MB21D2: variants seen among roughly 807,000 people sequenced by gnomAD.
The protein encoded by MB21D2 is Mab-21 domain containing 2.
A neutral mutation model predicts 33.3 loss-of-function variants in MB21D2; 9 were observed. That is an observed-to-expected ratio of 0.27 (90% CI 0.16 to 0.47). The LOEUF is 0.47. Among genes scored for constraint, MB21D2 ranks in the 20% least tolerant of loss-of-function variants. MB21D2 has a pLI of 0.99. For synonymous variants in MB21D2, 241 were observed against 236.3 expected (o/e 1.02, Z -0.18); for missense variants, 540 against 624.6 (o/e 0.86, Z 1.44).
chr3:192,893,432 G>T (rs1188774632), intron 1 of MB21D2, among the ~76,000 whole-genome samples: 2 of 152,142 alleles, frequency 1.3e-5, no homozygotes, highest in Non-Finnish European at 2.9e-5. Context: ...TAAAATCACA[G>T]ACCAGGAAGG....
At chr3:192,914,244 A>G (rs1418596368) in intron 1 of MB21D2, among the ~76,000 whole-genome samples, 1 of 152,188 alleles carries the variant, frequency 6.6e-6, no homozygotes, top group Non-Finnish European at 1.5e-5. Context: ...TCATCTATGT[A>G]ATGGGAAAGC....
chr3:192,889,094 A>C (rs1713795115), intron 1 of MB21D2, among the ~76,000 whole-genome samples: 1 of 152,108 alleles, frequency 6.6e-6, no homozygotes, highest in South Asian at 2.1e-4. Flanking sequence ...AATCCAGTGG[A>C]AATGTCACCA....
intron 1 of MB21D2, among the ~76,000 whole-genome samples, chr3:192,812,745 C>A (rs767361498): frequency 6.6e-6 from 1 of 152,112 alleles, no homozygotes; most frequent in Non-Finnish European, 1.5e-5. Flanking sequence ...TCCAAAGCAC[C>A]AATTTTTAGT....
rs115355772 is a variant in MB21D2 at position 192,813,596 on chromosome 3, A to G, written c.212-13946T>C. Among the ~76,000 whole-genome samples the G allele has an allele frequency of 2.9e-3, 435 of 152,230 alleles. 3 individuals are homozygous for G. The highest frequency in any genetic ancestry group is 0.01 in the African/African-American group (423 of 41,512). On this transcript the variant is annotated intron_variant, in intron 1 of 1. Transcript: ENST00000392452. ...ATCATTTTCCCATTTGTTCCCTATA[A>G]TTACTTGATGAACAGCTCTAGAATT...
At chr3:192,868,153 T>C (rs1713209268) in intron 1 of MB21D2, among the ~76,000 whole-genome samples, 1 of 152,174 alleles carries the variant, frequency 6.6e-6, no homozygotes, top group South Asian at 2.1e-4. Flanking sequence ...TAAATGCCCT[T>C]TTAGCCCTAA....
intron 1 of MB21D2, among the ~76,000 whole-genome samples, chr3:192,849,325 GGCGGGGGGT>G (rs1345054635): frequency 7.6e-6 from 1 of 131,518 alleles, no homozygotes. Context: ...TTGGGGGGGG[GGCGGGGGGT>G]GGGGGTGGAG....
intron 1 of MB21D2, among the ~76,000 whole-genome samples, chr3:192,844,482 T>C (rs959685419): frequency 3.3e-5 from 5 of 151,048 alleles, no homozygotes; most frequent in Middle Eastern, 3.4e-3. Flanking sequence ...TAGCTTCCCC[T>C]GTCCCTTCCT....
At chr3:192,916,033 CTG>C in intron 1 of MB21D2, among the ~76,000 whole-genome samples, 1 of 151,690 alleles carries the variant, frequency 6.6e-6, no homozygotes, top group East Asian at 1.9e-4. Context: ...CTGACAATCA[CTG>C]TGTTGGCTTT....
intron 1 of MB21D2, among the ~76,000 whole-genome samples, chr3:192,853,028 G>GTCTC (rs10541418): frequency 7.5e-4 from 112 of 148,468 alleles, no homozygotes; most frequent in African/African-American, 1.0e-3. Context: ...ATCTCTCTCT[G>GTCTC]TCTCTCTCTC....
chr3:192,895,481 ACGACT>A (rs1713946692), intron 1 of MB21D2, among the ~76,000 whole-genome samples: 1 of 152,222 alleles, frequency 6.6e-6, no homozygotes. Flanking sequence ...AATGAAGCCA[ACGACT>A]CACTGCAGAG....
intron 1 of MB21D2, among the ~76,000 whole-genome samples, chr3:192,806,585 T>C (rs1365175640): frequency 6.6e-6 from 1 of 152,188 alleles, no homozygotes; most frequent in Non-Finnish European, 1.5e-5. Flanking sequence ...GTGGTCAACA[T>C]TCTTTTGCTG....
Position 192,798,374 on chromosome 3 carries a change from G to A in MB21D2, c.*12C>T, listed in dbSNP as rs1023959658. 8 of 1,606,440 alleles carry A rather than the reference G, an allele frequency of 5.0e-6. No homozygotes were observed. The African/African-American group carries it at 5.4e-5, about 11-fold the overall frequency. On this transcript the variant is annotated 3_prime_UTR_variant, in exon 2 of 2. Transcript: ENST00000392452. The surrounding 1 kb of genome is among the most constrained non-coding windows in gnomAD (Gnocchi z 4.8). ...AGTTTAAGAATCAGGAAAAAAAAAA[G>A]TCAGCTAACACTCAGAAAAATTTGT...
At chr3:192,902,082 A>G (rs1034138298) in intron 1 of MB21D2, among the ~76,000 whole-genome samples, 4 of 152,210 alleles carry the variant, frequency 2.6e-5, no homozygotes, top group African/African-American at 9.6e-5. Context: ...AATAAACAAA[A>G]TCACAAGCAT....
intron 1 of MB21D2, among the ~76,000 whole-genome samples, chr3:192,832,037 T>G (rs1204841970): frequency 6.6e-6 from 1 of 152,054 alleles, no homozygotes; most frequent in Non-Finnish European, 1.5e-5. Flanking sequence ...AAAAAAACAG[T>G]CAAGGAGAAC....
chr3:192,807,067 G>C (rs1316599411), intron 1 of MB21D2, among the ~76,000 whole-genome samples: 1 of 152,142 alleles, frequency 6.6e-6, no homozygotes. Flanking sequence ...GGTAATCAGT[G>C]AACAGGGTTT....
At chr3:192,875,230 T>G (rs1425297839) in intron 1 of MB21D2, among the ~76,000 whole-genome samples, 1 of 152,068 alleles carries the variant, frequency 6.6e-6, no homozygotes, top group Non-Finnish European at 1.5e-5. Context: ...ATGCAGCCAT[T>G]CCCCTACTCT....
At chr3:192,878,795 G>C (rs145261734) in intron 1 of MB21D2, among the ~76,000 whole-genome samples, 1,624 of 152,200 alleles carry the variant, frequency 0.011, 34 homozygotes, top group African/African-American at 0.038. Flanking sequence ...GAAACCTGGT[G>C]TCTACTAAAA....
intron 1 of MB21D2, among the ~76,000 whole-genome samples, chr3:192,907,851 TG>T (rs144342116): frequency 0.011 from 1,739 of 152,256 alleles, 40 homozygotes; most frequent in African/African-American, 0.04. Flanking sequence ...GTGCCCACTG[TG>T]CATTCTGAAA....
At chr3:192,824,453 A>G (rs2108617561) in intron 1 of MB21D2, among the ~76,000 whole-genome samples, 1 of 152,018 alleles carries the variant, frequency 6.6e-6, no homozygotes, top group South Asian at 2.1e-4. Flanking sequence ...ATTCAGAGAG[A>G]TGGGAAGATG....
Sources: gnomAD v4.1 joint callset for allele counts (sites outside exome capture counted in the v4.1 genomes callset) on GRCh38, gnomAD v4.1.1 for gene constraint, Gnocchi (gnomAD v3.1) non-coding constraint, MANE v1.5 for transcripts, NCBI Gene and HGNC (gene_info 2026-07-23, HGNC 2026-07-21) for gene names.